Variants in MTOR observed in about 807,000 individuals in gnomAD.
The protein encoded by MTOR is mechanistic target of rapamycin kinase, also known as serine/threonine-protein kinase mTOR.
Under a neutral mutation model 319.8 loss-of-function variants are expected in MTOR, and 70 were observed. That is an observed-to-expected ratio of 0.22 (90% CI 0.18 to 0.27). The LOEUF (loss-of-function observed/expected upper bound fraction) is 0.27. Ranked by LOEUF, MTOR falls within the 10% of genes least tolerant of loss-of-function variation. The pLI is 1.00. For synonymous variants in MTOR, 1,183 were observed against 1,211.4 expected (o/e 0.98, Z 0.49); for missense variants, 1,890 against 3,274.4 (o/e 0.58, Z 10.32).
chr1:11,194,944 C>T (rs1296206536), intron 28 of MTOR: 3 of 1,613,974 alleles, frequency 1.9e-6, no homozygotes, highest in South Asian at 1.1e-5. Flanking sequence ...GATGGCATCA[C>T]CTGGTATGGC....
intron 28 of MTOR, among the ~76,000 whole-genome samples, chr1:11,188,173 A>G (rs1645384149): frequency 6.6e-6 from 1 of 152,192 alleles, no homozygotes; most frequent in African/African-American, 2.4e-5. Context: ...GCTCCATAAC[A>G]TGGAAACAGC....
chr1:11,247,647 T>C lies in MTOR; in HGVS notation c.1203A>G (p.Ala401=), dbSNP rs1300452162. 8.1e-6 allele frequency: 13 copies of C among 1,614,060 alleles called. No individual in the cohort carries two copies. In the South Asian group the frequency reaches 1.2e-4, roughly 15 times the overall value. Residue 401 remains alanine (A), a synonymous_variant, in exon 8 of 58, where the codon GCA becomes GCG. Coordinates refer to ENST00000361445, the MANE Select transcript of MTOR (RefSeq NM_004958.4). ...CACCTGTGAAGGCAGAAGGTCGGAA[T>C]GCAGCCAAGCGGGGCAACAAATTAA... ...TILNLLPRLA[A]FRPSAFTDTQ...
At chr1:11,152,141 A>G (rs1370760176) in intron 30 of MTOR, among the ~76,000 whole-genome samples, 1 of 152,248 alleles carries the variant, frequency 6.6e-6, no homozygotes, top group Non-Finnish European at 1.5e-5. Flanking sequence ...GTTACAAAAA[A>G]TAATGCAGAA....
In MTOR at chr1:11,258,345, C is replaced by T. The variant is rs1242974662; in HGVS notation, c.271+140G>A. ...AATACGTTTTTCCTGTGGCCCAGGG[C>T]TGCTGCTAGAATTAAAAGCCACGGG... is the stretch of plus-strand genomic sequence containing the variant. On this transcript the variant is annotated intron_variant, in intron 3 of 57. Transcript: ENST00000361445. The T allele has an allele frequency of 7.8e-6, 5 of 643,000 alleles. No individual in the cohort carries two copies. The East Asian group carries it at 1.0e-4, about 13-fold the overall frequency. 39.8% of individuals were successfully genotyped at this position (643,000 alleles called of 1,614,324 possible). A position where few individuals can be genotyped will look rare whatever the true frequency, so the allele number is the denominator to read the frequency against.
chr1:11,134,382 G>A lies in MTOR; in HGVS notation c.5215C>T (p.His1739Tyr), dbSNP rs780486434. The change falls in exon 37 of 58, where the codon CAT (histidine) becomes TAT (tyrosine). Residue 1739 changes from histidine to tyrosine, a missense_variant. Physicochemically the swap from His to Tyr is moderately conservative, Grantham distance 83. Transcript: ENST00000361445. ...QHAIATEDQQ[H>Y]KQELHKLMAR... ...ATGAGCTTGTGCAGTTCCTGCTTAT[G>A]CTGCTGGTCCTCAGTAGCGATGGCA... 1.2e-6 allele frequency: 2 copies of A among 1,614,166 alleles called. No individual in the cohort carries two copies. Among genetic ancestry groups the A allele is most frequent in the South Asian group, 1.1e-5 (1 of 91,082 alleles).
At chr1:11,194,243 A>C (rs1645685600) in intron 28 of MTOR, among the ~76,000 whole-genome samples, 1 of 152,246 alleles carries the variant, frequency 6.6e-6, no homozygotes, top group South Asian at 2.1e-4. Context: ...AAGAGAGACT[A>C]ATCAAGGCCA....
intron 28 of MTOR, among the ~76,000 whole-genome samples, chr1:11,180,781 GTT>G (rs60096418): frequency 1.9e-4 from 27 of 141,998 alleles, no homozygotes; most frequent in East Asian, 4.1e-4. Context: ...AATAAGGCAG[GTT>G]TTTTTTTTTT....
chr1:11,218,426 T>A (rs553493593), intron 19 of MTOR, among the ~76,000 whole-genome samples: 2 of 148,524 alleles, frequency 1.3e-5, no homozygotes, highest in African/African-American at 5.0e-5. Flanking sequence ...CGAGACTCCA[T>A]CTCAAAAAAA....
intron 23 of MTOR, among the ~76,000 whole-genome samples, chr1:11,211,480 G>A (rs949093230): frequency 6.6e-6 from 1 of 152,144 alleles, no homozygotes; most frequent in African/African-American, 2.4e-5. Context: ...CGATCCCTCT[G>A]CCTTAGCCTC....
rs540230431 is a variant in MTOR at position 11,127,726 on chromosome 1, G to A, written c.6114C>T (p.Tyr2038=). ...TGCCTTTCACGTTCCTTTCCCCAAA[G>A]TACAAACGAGATGCCTCTTCCAGGC... ...HEGLEEASRL[Y]FGERNVKGMF... is the part of the protein sequence containing the mutation. The change falls in exon 44 of 58, where the codon TAC becomes TAT. Residue 2038 remains tyrosine (Y), a synonymous_variant. Coordinates refer to ENST00000361445, the MANE Select transcript of MTOR (RefSeq NM_004958.4). This position sits in a 1 kb window ranked among gnomAD's most constrained non-coding sequence, Gnocchi z 5.5. 5 of 1,613,964 alleles carry A rather than the reference G, an allele frequency of 3.1e-6. No homozygotes were observed. Among genetic ancestry groups the A allele is most frequent in the Non-Finnish European group, 4.2e-6 (5 of 1,180,044 alleles).
chr1:11,156,148 G>A (rs1015739532), intron 30 of MTOR, among the ~76,000 whole-genome samples: 2 of 152,014 alleles, frequency 1.3e-5, no homozygotes, highest in Admixed American at 6.6e-5. Flanking sequence ...GCAACACCAC[G>A]TCCAACTAAT....
intron 34 of MTOR, among the ~76,000 whole-genome samples, chr1:11,141,130 T>C (rs1020166796): frequency 3.9e-5 from 6 of 152,180 alleles, no homozygotes; most frequent in African/African-American, 1.4e-4. Flanking sequence ...TTCTTTCTTT[T>C]TTTTTGATAG....
intron 36 of MTOR, among the ~76,000 whole-genome samples, chr1:11,136,755 G>A (rs143676378): frequency 0.011 from 1,664 of 151,730 alleles, 33 homozygotes; most frequent in African/African-American, 0.038. Context: ...CTCCCACCAC[G>A]GCCTCCCAAA....
At chr1:11,223,682 CA>C (rs1414540220) in intron 19 of MTOR, among the ~76,000 whole-genome samples, 1 of 151,708 alleles carries the variant, frequency 6.6e-6, no homozygotes, top group East Asian at 1.9e-4. Flanking sequence ...CAGAAAAAGA[CA>C]AAAAAGAAAG....
intron 1 of MTOR, among the ~76,000 whole-genome samples, chr1:11,262,170 A>G (rs1316596784): frequency 1.3e-5 from 2 of 152,204 alleles, no homozygotes; most frequent in Non-Finnish European, 2.9e-5. Flanking sequence ...GACAGGCAAA[A>G]GACCCAAAGG....
intron 18 of MTOR, among the ~76,000 whole-genome samples, chr1:11,230,640 TG>T (rs1365492950): frequency 6.6e-6 from 1 of 152,100 alleles, no homozygotes; most frequent in East Asian, 1.9e-4. Context: ...ATAGAGGTGA[TG>T]GGGTGATAAT....
chr1:11,141,054 A>G (rs1643676861), intron 34 of MTOR, among the ~76,000 whole-genome samples: 3 of 148,836 alleles, frequency 2.0e-5, no homozygotes, highest in African/African-American at 7.4e-5. Flanking sequence ...CTTCATTTCT[A>G]CTAGTCTCAG....
intron 29 of MTOR, among the ~76,000 whole-genome samples, chr1:11,166,034 T>C (rs2100604176): frequency 6.6e-6 from 1 of 152,326 alleles, no homozygotes; most frequent in South Asian, 2.1e-4. Flanking sequence ...GAAAACTGGC[T>C]AGCCATATGT....
chr1:11,216,320 G>A, intron 19 of MTOR, 86 bp from the exon 20 acceptor site: 2 of 933,574 alleles, frequency 2.1e-6, no homozygotes, highest in Non-Finnish European at 3.4e-6. Flanking sequence ...AACAAATAAA[G>A]GCAACTATGG....
Sources: allele counts gnomAD v4.1 joint callset (sites outside exome capture counted in the v4.1 genomes callset), GRCh38; gene constraint gnomAD v4.1.1; non-coding constraint Gnocchi (gnomAD v3.1); transcripts MANE v1.5; gene names NCBI Gene and HGNC (gene_info 2026-07-23, HGNC 2026-07-21).